Variants in CACNA2D2 observed in about 807,000 individuals in gnomAD.
The protein encoded by CACNA2D2 is calcium voltage-gated channel auxiliary subunit alpha2delta 2, also known as voltage-dependent calcium channel subunit alpha-2/delta-2.
Under a neutral mutation model 166.4 loss-of-function variants are expected in CACNA2D2, and 48 were observed. The ratio of observed to expected loss-of-function variants is 0.29; its 90% CI spans 0.23 to 0.37. The LOEUF (loss-of-function observed/expected upper bound fraction) is 0.37. CACNA2D2 is among the 10% of genes least tolerant of loss of function. The probability of loss-of-function intolerance (pLI) is 1.00; values close to 1 mark genes in which losing one functional copy is unlikely to be tolerated. For missense variants in CACNA2D2, 1,122 were observed against 1,433.0 expected, an observed-to-expected ratio of 0.78 and a Z score of 3.50; for synonymous variants, 561 against 573.7, an observed-to-expected ratio of 0.98 and a Z score of 0.32.
intron 1 of CACNA2D2, among the ~76,000 whole-genome samples, chr3:50,502,246 C>G (rs1699001926): frequency 6.6e-6 from 1 of 152,192 alleles, no homozygotes; most frequent in Admixed American, 6.5e-5. Context: ...GTGAAGGAGT[C>G]CAGGGACAGG....
At chr3:50,394,020 T>C (rs1433056121) in intron 4 of CACNA2D2, 89 bp downstream of exon 4, 3 of 1,156,366 alleles carry the variant, frequency 2.6e-6, no homozygotes, top group East Asian at 2.4e-5. Context: ...GTGTCCCTCA[T>C]GTGTCTGGGC....
intron 3 of CACNA2D2, among the ~76,000 whole-genome samples, chr3:50,411,049 G>C (rs1706989117): frequency 1.3e-5 from 2 of 152,192 alleles, no homozygotes; most frequent in African/African-American, 4.8e-5. Context: ...AGGCAGGGAA[G>C]GGCTGTTCCT....
intron 1 of CACNA2D2, among the ~76,000 whole-genome samples, chr3:50,499,960 G>A (rs1024575116): frequency 6.6e-5 from 10 of 152,092 alleles, no homozygotes; most frequent in African/African-American, 2.2e-4. Flanking sequence ...CAGCAGCAGC[G>A]GCTGGGAAGC....
intron 1 of CACNA2D2, among the ~76,000 whole-genome samples, chr3:50,495,025 G>A (rs558394398): frequency 6.6e-6 from 1 of 152,296 alleles, no homozygotes; most frequent in Non-Finnish European, 1.5e-5. Flanking sequence ...GAGGAAGGCT[G>A]CATAGGGAGT....
chr3:50,486,239 G>A (rs1488082106), intron 1 of CACNA2D2, among the ~76,000 whole-genome samples: 1 of 152,190 alleles, frequency 6.6e-6, no homozygotes, highest in African/African-American at 2.4e-5. Flanking sequence ...GTCACCAAAT[G>A]GGTCAGGGAG....
chr3:50,497,199 A>G (rs1447104232), intron 1 of CACNA2D2, among the ~76,000 whole-genome samples: 1 of 152,200 alleles, frequency 6.6e-6, no homozygotes, highest in Non-Finnish European at 1.5e-5. Flanking sequence ...GGAGAGGAGC[A>G]GGAAGACCCC....
In CACNA2D2 at chr3:50,501,998, G is replaced by A. The variant is rs116427462; in HGVS notation, c.206+1220C>T. Among the ~76,000 whole-genome samples, 1,215 of 152,238 alleles carry A rather than the reference G, an allele frequency of 8.0e-3. 5 individuals are homozygous for A. The highest frequency in any genetic ancestry group is 0.012 in the Non-Finnish European group (827 of 68,028). Reference sequence around the variant, plus strand: ...AGCCAGGCTGTGCAATGAGAGAGACGACAAGACGGAGAGAGAGACCCAGAG... The same window carrying A: ...AGCCAGGCTGTGCAATGAGAGAGACAACAAGACGGAGAGAGAGACCCAGAG... On this transcript the variant is annotated intron_variant, in intron 1 of 37. Transcript: ENST00000424201.
chr3:50,428,376 G>A (rs975177705), intron 3 of CACNA2D2, among the ~76,000 whole-genome samples: 3 of 150,470 alleles, frequency 2.0e-5, no homozygotes, highest in Admixed American at 6.6e-5. Flanking sequence ...CAAAGGGAGC[G>A]GTCTGCTGCC....
intron 1 of CACNA2D2, among the ~76,000 whole-genome samples, chr3:50,480,667 G>C (rs1456642223): frequency 6.6e-6 from 1 of 150,528 alleles, no homozygotes; most frequent in African/African-American, 2.5e-5. Flanking sequence ...TCTGTGCGTG[G>C]GGTGAGAAGC....
At chr3:50,494,408 G>A (rs1445028587) in intron 1 of CACNA2D2, among the ~76,000 whole-genome samples, 1 of 152,166 alleles carries the variant, frequency 6.6e-6, no homozygotes, top group Non-Finnish European at 1.5e-5. Flanking sequence ...TGCCACGTCA[G>A]GCTGGAAACT....
At chr3:50,401,771 C>T (rs1284333301) in intron 3 of CACNA2D2, among the ~76,000 whole-genome samples, 2 of 151,838 alleles carry the variant, frequency 1.3e-5, no homozygotes, top group Admixed American at 6.6e-5. Context: ...TGCAGTGGTG[C>T]GATCTGAGCT....
intron 3 of CACNA2D2, among the ~76,000 whole-genome samples, chr3:50,409,899 T>A (rs1446245241): frequency 6.6e-6 from 1 of 152,166 alleles, no homozygotes; most frequent in African/African-American, 2.4e-5. Flanking sequence ...CTGCCTCAGA[T>A]TCCCTCCACG....
At chr3:50,474,817 G>C (rs1383214069) in intron 2 of CACNA2D2, among the ~76,000 whole-genome samples, 2 of 152,170 alleles carry the variant, frequency 1.3e-5, no homozygotes, top group Non-Finnish European at 2.9e-5. Context: ...ATTGACTCCT[G>C]TTCCGGAACA....
chr3:50,451,894 G>T lies in CACNA2D2; in HGVS notation c.289-17465C>A, dbSNP rs553719321. 2.0e-5 allele frequency among the ~76,000 whole-genome samples: 3 copies of T among 152,308 alleles called. No individual in the cohort carries two copies. In the South Asian group the frequency reaches 6.2e-4, roughly 32 times the overall value. ...TTTTGCAGGTGGGATACTGGGTTCA[G>T]AGAGTTCTTGTGACTCACCCGAGGC... On this transcript the variant is annotated intron_variant, in intron 2 of 37. Coordinates refer to ENST00000424201, the MANE Select transcript of CACNA2D2 (RefSeq NM_006030.4).
intron 2 of CACNA2D2, among the ~76,000 whole-genome samples, chr3:50,442,989 G>C (rs759899292): frequency 2.6e-5 from 4 of 152,196 alleles, no homozygotes; most frequent in Non-Finnish European, 5.9e-5. Context: ...GCCTGGAATA[G>C]CATCGGGTGG....
intron 2 of CACNA2D2, among the ~76,000 whole-genome samples, chr3:50,435,058 G>A (rs868699301): frequency 6.6e-6 from 1 of 152,192 alleles, no homozygotes; most frequent in African/African-American, 2.4e-5. Flanking sequence ...GGCAGGTTGG[G>A]GAGAATGAAT....
intron 2 of CACNA2D2, among the ~76,000 whole-genome samples, chr3:50,438,178 G>A (rs1708434812): frequency 6.6e-6 from 1 of 152,182 alleles, no homozygotes; most frequent in Non-Finnish European, 1.5e-5. Context: ...GGACAATTCA[G>A]GAGTCTGTTT....
chr3:50,366,149 G>A lies in CACNA2D2; in HGVS notation c.2724C>T (p.Phe908=). The stretch of plus-strand genomic sequence containing the variant: ...GCATCAGGTTGGCATCCACCTCACT[G>A]AAGAACCTGCCCACCTGAGGATGTC... ...NHQWDQVGRF[F]SEVDANLMLA... The change falls in exon 32 of 38, where the codon TTC becomes TTT. Residue 908 remains phenylalanine, a synonymous_variant. Coordinates refer to ENST00000424201, the MANE Select transcript of CACNA2D2 (RefSeq NM_006030.4). This position sits in a 1 kb window ranked among gnomAD's most constrained non-coding sequence, Gnocchi z 5.9. 1 of 1,614,030 alleles carries A rather than the reference G, an allele frequency of 6.2e-7. No homozygotes were observed. The highest frequency in any genetic ancestry group is 8.5e-7 in the Non-Finnish European group (1 of 1,179,990).
At chr3:50,394,456 C>A (rs1324351237) in intron 3 of CACNA2D2, among the ~76,000 whole-genome samples, 1 of 152,230 alleles carries the variant, frequency 6.6e-6, no homozygotes, top group Non-Finnish European at 1.5e-5. Context: ...CCTAGTGTCA[C>A]TCTCTACCCC....
Sources: gnomAD v4.1 joint callset for allele counts (sites outside exome capture counted in the v4.1 genomes callset) on GRCh38, gnomAD v4.1.1 for gene constraint, Gnocchi (gnomAD v3.1) non-coding constraint, MANE v1.5 for transcripts, NCBI Gene and HGNC (gene_info 2026-07-23, HGNC 2026-07-21) for gene names.